AGBL4: variants seen among roughly 807,000 people sequenced by gnomAD.
AGBL4 encodes cytosolic carboxypeptidase 6.
Under a neutral mutation model 66.4 loss-of-function variants are expected in AGBL4, and 58 were observed. The observed-to-expected ratio is 0.87, with a 90% CI of 0.71 to 1.09. The LOEUF is 1.09. Ranked by LOEUF, AGBL4 falls within the 50% of genes least tolerant of loss-of-function variation. AGBL4 has a pLI of 0.00. For missense variants in AGBL4, 579 were observed against 631.0 expected (o/e 0.92, Z 0.88); for synonymous variants, 234 against 222.9 (o/e 1.05, Z -0.44).
chr1:49,600,809 T>C (rs1475945704), intron 3 of AGBL4, among the ~76,000 whole-genome samples: 1 of 152,218 alleles, frequency 6.6e-6, no homozygotes, highest in Non-Finnish European at 1.5e-5. Context: ...GGCCCGCTGG[T>C]GACAAAATCT....
At chr1:49,018,919 A>C (rs1467500707) in intron 5 of AGBL4, among the ~76,000 whole-genome samples, 1 of 152,150 alleles carries the variant, frequency 6.6e-6, no homozygotes, top group African/African-American at 2.4e-5. Flanking sequence ...AAAATATTTG[A>C]CCCTGTTATT....
intron 2 of AGBL4, among the ~76,000 whole-genome samples, chr1:49,818,404 C>T (rs1281544468): frequency 6.8e-6 from 1 of 146,004 alleles, no homozygotes; most frequent in Non-Finnish European, 1.5e-5. Flanking sequence ...CTTGCTCTGT[C>T]ACCCAGGCTG....
chr1:49,198,109 C>T (rs1026447970), intron 4 of AGBL4, among the ~76,000 whole-genome samples: 1 of 152,000 alleles, frequency 6.6e-6, no homozygotes, highest in Non-Finnish European at 1.5e-5. Flanking sequence ...AGGTGCTCTC[C>T]TGTGGCCTGG....
At chr1:49,857,602 GCA>G (rs1646466552) in intron 1 of AGBL4, among the ~76,000 whole-genome samples, 1 of 151,986 alleles carries the variant, frequency 6.6e-6, no homozygotes, top group African/African-American at 2.4e-5. Context: ...TTTAACAAAT[GCA>G]CAGAGAGAAC....
intron 4 of AGBL4, among the ~76,000 whole-genome samples, chr1:49,164,459 C>T (rs1646596201): frequency 6.6e-6 from 1 of 151,994 alleles, no homozygotes; most frequent in African/African-American, 2.4e-5. Context: ...GCTTTTTTAG[C>T]CCAAAAAGGA....
At chr1:49,638,117 G>T (rs1645713496) in intron 3 of AGBL4, among the ~76,000 whole-genome samples, 1 of 152,116 alleles carries the variant, frequency 6.6e-6, no homozygotes, top group Non-Finnish European at 1.5e-5. Context: ...AAAAAGCAGA[G>T]TATGGACTCA....
chr1:48,980,026 TACTC>T (rs1659620486), intron 5 of AGBL4, among the ~76,000 whole-genome samples: 1 of 152,174 alleles, frequency 6.6e-6, no homozygotes. Flanking sequence ...TATAGATGCT[TACTC>T]AGGAAGGTGA....
intron 3 of AGBL4, among the ~76,000 whole-genome samples, chr1:49,431,663 T>C (rs1294541232): frequency 1.3e-5 from 2 of 152,186 alleles, no homozygotes; most frequent in Non-Finnish European, 2.9e-5. Flanking sequence ...TTTAAAAAAA[T>C]ATGACCCACT....
intron 3 of AGBL4, among the ~76,000 whole-genome samples, chr1:49,420,645 G>A (rs1354663987): frequency 2.7e-5 from 4 of 150,206 alleles, no homozygotes; most frequent in Non-Finnish European, 5.9e-5. Flanking sequence ...AGCTTGCCGT[G>A]AGCCGAGATC....
intron 11 of AGBL4, among the ~76,000 whole-genome samples, chr1:48,574,062 T>C (rs544676531): frequency 6.6e-6 from 1 of 152,376 alleles, no homozygotes; most frequent in Non-Finnish European, 1.5e-5. Flanking sequence ...CATTCTATTA[T>C]TAACGATGGC....
At chr1:50,006,896 G>A (rs923830404) in intron 1 of AGBL4, among the ~76,000 whole-genome samples, 1 of 152,148 alleles carries the variant, frequency 6.6e-6, no homozygotes, top group Non-Finnish European at 1.5e-5. Context: ...AAACTCACTG[G>A]TAATAGTAAC....
chr1:49,427,287 G>C (rs986646477), intron 3 of AGBL4, among the ~76,000 whole-genome samples: 2 of 152,136 alleles, frequency 1.3e-5, no homozygotes, highest in African/African-American at 4.8e-5. Flanking sequence ...TGAAGAGAAT[G>C]TGGGCTAGGA....
At chr1:49,882,872 T>A (rs1239562488) in intron 1 of AGBL4, among the ~76,000 whole-genome samples, 1 of 152,148 alleles carries the variant, frequency 6.6e-6, no homozygotes, top group African/African-American at 2.4e-5. Context: ...ACTGATAGCA[T>A]TTGGTTGGTG....
At chr1:49,813,922 C>T (rs999465520) in intron 2 of AGBL4, among the ~76,000 whole-genome samples, 2 of 152,086 alleles carry the variant, frequency 1.3e-5, no homozygotes, top group Non-Finnish European at 2.9e-5. Context: ...ATCATGCGGG[C>T]AGGTCTTTCC....
chr1:49,995,031 G>C (rs1441773660), intron 1 of AGBL4: 2 of 431,106 alleles, frequency 4.6e-6, no homozygotes, highest in Admixed American at 2.4e-5. Context: ...GTCTCAGAGG[G>C]GTCCATGGGG....
chr1:49,348,156 C>T (rs770385997), intron 3 of AGBL4, among the ~76,000 whole-genome samples: 25 of 152,090 alleles, frequency 1.6e-4, no homozygotes, highest in Admixed American at 3.9e-4. Flanking sequence ...CGTTGGCTCA[C>T]GCCTGTAATC....
At chr1:48,852,964 TCAC>T (rs1647066412) in intron 6 of AGBL4, among the ~76,000 whole-genome samples, 1 of 152,204 alleles carries the variant, frequency 6.6e-6, no homozygotes, top group Non-Finnish European at 1.5e-5. Context: ...TTCCTAGTAT[TCAC>T]ATCCTTGTCT....
chr1:49,232,426 C>T (rs557374788), intron 4 of AGBL4, among the ~76,000 whole-genome samples: 82 of 152,066 alleles, frequency 5.4e-4, no homozygotes, highest in South Asian at 4.2e-3. Context: ...TGGCTGGGCG[C>T]GGTGGCTCAA....
At chr1:48,562,959 T>C (rs1644418736) in intron 11 of AGBL4, among the ~76,000 whole-genome samples, 1 of 152,188 alleles carries the variant, frequency 6.6e-6, no homozygotes, top group Non-Finnish European at 1.5e-5. Flanking sequence ...CTTGTGTTAG[T>C]CTTTGGTCTC....
Sources: allele counts gnomAD v4.1 joint callset (sites outside exome capture counted in the v4.1 genomes callset), GRCh38; gene constraint gnomAD v4.1.1; transcripts MANE v1.5; gene names NCBI Gene and HGNC (gene_info 2026-07-23, HGNC 2026-07-21).